Variants in ST7 observed in about 807,000 individuals in gnomAD.
The protein encoded by ST7 is suppression of tumorigenicity 7, also known as suppressor of tumorigenicity 7 protein.
In ST7, 28 loss-of-function variants were observed where a neutral mutation model predicts 78.7. The ratio of observed to expected loss-of-function variants is 0.36; its 90% CI spans 0.26 to 0.49. The LOEUF is 0.49. ST7 is among the 20% of genes least tolerant of loss of function. ST7 has a pLI of 0.99. For missense variants in ST7, 418 were observed against 696.0 expected (o/e 0.60, Z 4.49); for synonymous variants, 247 against 249.6 (o/e 0.99, Z 0.10).
intron 2 of ST7, among the ~76,000 whole-genome samples, chr7:117,106,295 G>A (rs1355721343): frequency 6.6e-6 from 1 of 152,182 alleles, no homozygotes; most frequent in Non-Finnish European, 1.5e-5. Context: ...ACCGCACCCG[G>A]CCAGGAAATG....
chr7:117,157,719 T>C (rs1806810273), intron 9 of ST7, among the ~76,000 whole-genome samples: 1 of 152,152 alleles, frequency 6.6e-6, no homozygotes, highest in African/African-American at 2.4e-5. Context: ...TGTTGGCCAG[T>C]GTGGTTAGCT....
At chr7:117,001,748 A>G (rs1373597381) in intron 1 of ST7, among the ~76,000 whole-genome samples, 1 of 152,174 alleles carries the variant, frequency 6.6e-6, no homozygotes, top group African/African-American at 2.4e-5. Context: ...TACAGGGGGT[A>G]TATTTAAAAA....
chr7:117,218,440 AG>A (rs1236786530), intron 13 of ST7, among the ~76,000 whole-genome samples: 1 of 152,210 alleles, frequency 6.6e-6, no homozygotes, highest in Non-Finnish European at 1.5e-5. Context: ...ATGCTACAAA[AG>A]CAGAATTTAG....
chr7:116,973,858 G>T (rs1793563455), intron 1 of ST7, among the ~76,000 whole-genome samples: 1 of 152,070 alleles, frequency 6.6e-6, no homozygotes, highest in East Asian at 1.9e-4. Context: ...GTATACCATG[G>T]CATATCCATT....
intron 1 of ST7, among the ~76,000 whole-genome samples, chr7:116,988,803 C>G (rs1337797237): frequency 6.6e-6 from 1 of 152,226 alleles, no homozygotes; most frequent in Non-Finnish European, 1.5e-5. Flanking sequence ...CAACTTGCCT[C>G]AGACTGAACT....
intron 1 of ST7, 66 bp from the exon 2 acceptor site, chr7:117,099,696 G>T: frequency 8.8e-7 from 1 of 1,130,170 alleles, no homozygotes; most frequent in Non-Finnish European, 1.3e-6. Flanking sequence ...AAATGAAAGA[G>T]CTGGTTTTAC....
At chr7:117,081,562 CAT>C (rs1563066331) in intron 1 of ST7, among the ~76,000 whole-genome samples, 2 of 152,060 alleles carry the variant, frequency 1.3e-5, no homozygotes, top group African/African-American at 4.8e-5. Flanking sequence ...TTATCTGAGA[CAT>C]AATGATTTTT....
At chr7:117,135,692 C>A (rs1804732240) in intron 7 of ST7, among the ~76,000 whole-genome samples, 1 of 152,026 alleles carries the variant, frequency 6.6e-6, no homozygotes, top group Non-Finnish European at 1.5e-5. Context: ...ATTTATTGAG[C>A]ACTTAACCAC....
chr7:117,158,046 G>C (rs1806844874), intron 9 of ST7, among the ~76,000 whole-genome samples: 1 of 152,162 alleles, frequency 6.6e-6, no homozygotes, highest in Admixed American at 6.5e-5. Flanking sequence ...TTGTGAAACT[G>C]CAGTTTGCCA....
At chr7:117,186,183 AT>A (rs1456736204) in intron 10 of ST7, among the ~76,000 whole-genome samples, 5 of 151,962 alleles carry the variant, frequency 3.3e-5, no homozygotes, top group Non-Finnish European at 5.9e-5. Context: ...TCGGTGTATG[AT>A]TTTTTTCTTT....
chr7:117,040,163 G>C (rs1797132684), intron 1 of ST7, among the ~76,000 whole-genome samples: 1 of 152,100 alleles, frequency 6.6e-6, no homozygotes, highest in East Asian at 1.9e-4. Context: ...CACGATGTCA[G>C]GAGTTCAAGA....
At chr7:117,099,057 AAAAAAAAAC>A (rs1429564624) in intron 1 of ST7, among the ~76,000 whole-genome samples, 37 of 144,918 alleles carry the variant, frequency 2.6e-4, no homozygotes, top group African/African-American at 7.3e-4. Flanking sequence ...AAAAAAAAAA[AAAAAAAAAC>A]AAAAAAAAAA....
chr7:117,053,238 C>T (rs1797879933), intron 1 of ST7, among the ~76,000 whole-genome samples: 2 of 152,204 alleles, frequency 1.3e-5, no homozygotes, highest in South Asian at 4.1e-4. Flanking sequence ...AAACCACTGT[C>T]TACTCCAGGC....
chr7:117,130,236 A>T (rs560512481), intron 4 of ST7, among the ~76,000 whole-genome samples: 1 of 151,904 alleles, frequency 6.6e-6, no homozygotes, highest in African/African-American at 2.4e-5. Context: ...TCATAATATG[A>T]ATTAGGGAAG....
intron 9 of ST7, among the ~76,000 whole-genome samples, chr7:117,156,599 T>C (rs116327229): frequency 1.3e-5 from 2 of 152,064 alleles, no homozygotes; most frequent in South Asian, 4.1e-4. Flanking sequence ...TGTGGAGAGA[T>C]AGAGAAGAGG....
At chr7:117,044,869 T>A (rs1166625048) in intron 1 of ST7, among the ~76,000 whole-genome samples, 1 of 152,196 alleles carries the variant, frequency 6.6e-6, no homozygotes, top group Non-Finnish European at 1.5e-5. Flanking sequence ...CTAGTCAGCA[T>A]CTTCAGCTGG....
At chr7:117,223,123 C>T (rs1036334728) in intron 15 of ST7, 5 of 641,066 alleles carry the variant, frequency 7.8e-6, no homozygotes, top group East Asian at 2.7e-5. Flanking sequence ...CCCATCGTCT[C>T]GGCCTTCACA....
At chr7:117,180,237 T>C (rs1047158311) in intron 10 of ST7, among the ~76,000 whole-genome samples, 2 of 152,176 alleles carry the variant, frequency 1.3e-5, no homozygotes, top group African/African-American at 4.8e-5. Flanking sequence ...AGGACCTATG[T>C]AGCCCATCAG....
chr7:117,131,809 T>C (rs765656668), intron 5 of ST7, 76 bp from the exon 6 acceptor site: 1 of 1,310,268 alleles, frequency 7.6e-7, no homozygotes, highest in Non-Finnish European at 1.1e-6. Flanking sequence ...CACTCCTAAT[T>C]TAGCTCTTGT....
Sources: allele counts gnomAD v4.1 joint callset (sites outside exome capture counted in the v4.1 genomes callset), GRCh38; gene constraint gnomAD v4.1.1; transcripts MANE v1.5; gene names NCBI Gene and HGNC (gene_info 2026-07-23, HGNC 2026-07-21).